Variants in QTMAN observed in about 807,000 individuals in gnomAD.
QTMAN encodes the protein queuosine-tRNA mannosyltransferase.
chr2:143,985,693 A>G, the QTMAN span, among the ~76,000 whole-genome samples: 2 of 152,216 alleles, frequency 1.3e-5, no homozygotes, highest in South Asian at 4.1e-4. Flanking sequence ...TCATGTGTAT[A>G]TTATATTAAT....
chr2:144,128,528 T>C, the QTMAN span, among the ~76,000 whole-genome samples: 3 of 152,080 alleles, frequency 2.0e-5, no homozygotes, highest in African/African-American at 7.2e-5. Context: ...TTTGTCAATG[T>C]TGACTAATCC....
chr2:144,234,874 T>C, the QTMAN span, among the ~76,000 whole-genome samples: 2 of 152,138 alleles, frequency 1.3e-5, no homozygotes. Context: ...GTGAGAACAG[T>C]GGGCAAACTT....
the QTMAN span, among the ~76,000 whole-genome samples, chr2:144,081,421 A>G: frequency 2.6e-5 from 4 of 152,304 alleles, no homozygotes; most frequent in South Asian, 2.1e-4. Flanking sequence ...AAAGGTCCAA[A>G]TAAGTTCTGG....
the QTMAN span, among the ~76,000 whole-genome samples, chr2:144,269,469 T>C: frequency 1.3e-5 from 2 of 152,096 alleles, no homozygotes; most frequent in African/African-American, 4.8e-5. Context: ...TTTTGCATAG[T>C]AAAATGTTAC....
chr2:144,012,078 C>G, the QTMAN span, among the ~76,000 whole-genome samples: 1 of 151,990 alleles, frequency 6.6e-6, no homozygotes, highest in African/African-American at 2.4e-5. Context: ...GGATCTCCAC[C>G]CCCAACTCCT....
chr2:144,121,052 T>A, the QTMAN span, among the ~76,000 whole-genome samples: 1 of 152,196 alleles, frequency 6.6e-6, no homozygotes, highest in Non-Finnish European at 1.5e-5. Context: ...CAGTGTAAGC[T>A]GTCTTTACCT....
the QTMAN span, among the ~76,000 whole-genome samples, chr2:144,298,120 G>A: frequency 2.0e-5 from 3 of 150,454 alleles, no homozygotes; most frequent in Non-Finnish European, 3.0e-5. Context: ...CCAGGTTCAC[G>A]CCATTCTCCT....
the QTMAN span, among the ~76,000 whole-genome samples, chr2:144,022,558 CTCTTTTTTTT>C: frequency 7.2e-6 from 1 of 139,062 alleles, no homozygotes; most frequent in Non-Finnish European, 1.5e-5. Context: ...CTCTCTCTCT[CTCTTTTTTTT>C]TTTTTTTTTT....
chr2:144,292,030 T>G, the QTMAN span, among the ~76,000 whole-genome samples: 1 of 152,222 alleles, frequency 6.6e-6, no homozygotes, highest in Non-Finnish European at 1.5e-5. Context: ...TCACAAGACC[T>G]TGGGCAAGTC....
the QTMAN span, among the ~76,000 whole-genome samples, chr2:144,012,622 A>C: frequency 6.6e-6 from 1 of 152,148 alleles, no homozygotes; most frequent in Non-Finnish European, 1.5e-5. Flanking sequence ...TACACTCCTC[A>C]CAACTGTCTT....
chr2:144,018,748 C>T, the QTMAN span, among the ~76,000 whole-genome samples: 1 of 152,102 alleles, frequency 6.6e-6, no homozygotes, highest in East Asian at 1.9e-4. Flanking sequence ...AATTAGAGTG[C>T]CTATTATGTG....
At chr2:144,330,889 C>T in the QTMAN span, among the ~76,000 whole-genome samples, 1 of 152,160 alleles carries the variant, frequency 6.6e-6, no homozygotes, top group African/African-American at 2.4e-5. Context: ...TGTTAATGTT[C>T]CTTAAACATC....
the QTMAN span, among the ~76,000 whole-genome samples, chr2:144,246,302 G>A: frequency 1.4e-4 from 22 of 152,162 alleles, no homozygotes; most frequent in Middle Eastern, 6.8e-3. Context: ...GGCCGGGCGC[G>A]GTGGCTCACG....
the QTMAN span, among the ~76,000 whole-genome samples, chr2:144,045,812 A>G: frequency 2.6e-5 from 4 of 152,360 alleles, no homozygotes; most frequent in Non-Finnish European, 5.9e-5. Context: ...TCAAGGCTGG[A>G]AACAGCAAAC....
At chr2:143,955,249 C>T in the QTMAN span, among the ~76,000 whole-genome samples, 2 of 152,100 alleles carry the variant, frequency 1.3e-5, no homozygotes, top group Admixed American at 1.3e-4. Flanking sequence ...TTATAAGTGA[C>T]ACCGGAGGAG....
chr2:143,971,464 TA>T, the QTMAN span, among the ~76,000 whole-genome samples: 32 of 152,200 alleles, frequency 2.1e-4, no homozygotes, highest in African/African-American at 6.0e-4. Flanking sequence ...ACACATGGAT[TA>T]TTTTTTTTTG....
At chr2:144,086,326 T>C in the QTMAN span, among the ~76,000 whole-genome samples, 1 of 152,188 alleles carries the variant, frequency 6.6e-6, no homozygotes, top group South Asian at 2.1e-4. Flanking sequence ...AATGTTTTAT[T>C]TTTTGAGATA....
chr2:144,276,037 C>T, the QTMAN span, among the ~76,000 whole-genome samples: 201 of 152,160 alleles, frequency 1.3e-3, no homozygotes, highest in African/African-American at 4.6e-3. Flanking sequence ...TATGTAAAGA[C>T]ATACTTTTTT....
At chr2:144,003,793 T>C in the QTMAN span, among the ~76,000 whole-genome samples, 1 of 152,040 alleles carries the variant, frequency 6.6e-6, no homozygotes, top group African/African-American at 2.4e-5. Context: ...TTCTAGCAAG[T>C]AGGCTCTACA....
Sources: allele counts gnomAD v4.1 joint callset (sites outside exome capture counted in the v4.1 genomes callset), GRCh38; gene constraint gnomAD v4.1.1; transcripts MANE v1.5; gene names NCBI Gene and HGNC (gene_info 2026-07-23, HGNC 2026-07-21).